Variants in ALDH16A1 observed in about 807,000 individuals in gnomAD.
ALDH16A1 encodes the protein aldehyde dehydrogenase 16 family member A1, also known as aldehyde dehydrogenase family 16 member A1.
ALDH16A1 carries 88 observed loss-of-function variants against 96.1 expected under a neutral mutation model. The ratio of observed to expected loss-of-function variants is 0.92; its 90% CI spans 0.77 to 1.09. ALDH16A1 has a LOEUF of 1.09. ALDH16A1 is among the 50% of genes least tolerant of loss of function. ALDH16A1 has a pLI of 0.00. For missense variants in ALDH16A1, 1,250 were observed against 1,112.6 expected (o/e 1.12, Z -1.76); for synonymous variants, 522 against 496.4 (o/e 1.05, Z -0.69).
At chr19:49,460,681 T>TGA in intron 4 of ALDH16A1, 141 bp from the exon 5 acceptor site, 1 of 697,786 alleles carries the variant, frequency 1.4e-6, no homozygotes, top group Non-Finnish European at 2.4e-6. Flanking sequence ...CCCAAAGTGC[T>TGA]GAGATTACAG....
chr19:49,468,864 G>T lies in ALDH16A1; in HGVS notation c.2125G>T (p.Asp709Tyr). The change falls in exon 16 of 17, where the codon GAC (aspartate) becomes TAC (tyrosine). Residue 709 changes from aspartate to tyrosine, a missense_variant and splice_region_variant. Physicochemically the swap from Asp to Tyr is radical, Grantham distance 160 (BLOSUM62 -3). Coordinates refer to ENST00000293350, the MANE Select transcript of ALDH16A1 (RefSeq NM_153329.4). This position sits in a 1 kb window ranked among gnomAD's most constrained non-coding sequence, Gnocchi z 4.4. ...ACCTTTCACTCTCTCTATCCCCTAG[G>T]ACATGGCCACCGTGTTCCCAGCAGG... is the stretch of plus-strand genomic sequence containing the variant. ...CPLLALEVCQDMATVFPAGLA... is the reference protein window; with the variant it reads ...CPLLALEVCQYMATVFPAGLA... The T allele has an allele frequency of 1.9e-6, 3 of 1,613,260 alleles. No homozygotes were observed. The highest frequency in any genetic ancestry group is 4.5e-5 in the East Asian group (2 of 44,864).
intron 1 of ALDH16A1, among the ~76,000 whole-genome samples, 194 bp from the exon 2 acceptor site, chr19:49,458,292 C>T (rs889339644): frequency 6.6e-6 from 1 of 152,088 alleles, no homozygotes; most frequent in African/African-American, 2.4e-5. Flanking sequence ...GCACAGAATG[C>T]CACTAAACTG....
rs1172929761 is a variant in ALDH16A1 at position 49,463,921 on chromosome 19, C to G, written c.1166C>G (p.Pro389Arg). ...FYPPTLVSNL[P>R]PASPCAQVEV... ...CCCCCAACCTTGGTCTCCAACCTGC[C>G]CCCAGCCTCCCCATGTGCCCAGGTG... Residue 389 changes from proline (P) to arginine (R), a missense_variant, in exon 9 of 17, where the codon CCC becomes CGC. Coordinates refer to ENST00000293350, the MANE Select transcript of ALDH16A1 (RefSeq NM_153329.4). The G allele has an allele frequency of 4.3e-6, 7 of 1,612,100 alleles. No individual in the cohort carries two copies. The highest frequency in any genetic ancestry group is 5.9e-6 in the Non-Finnish European group (7 of 1,178,988).
intron 10 of ALDH16A1, 46 bp downstream of exon 10, chr19:49,464,309 A>G (rs1271222911): frequency 6.9e-6 from 11 of 1,592,654 alleles, no homozygotes; most frequent in Non-Finnish European, 9.4e-6. Context: ...TCATTCTTCC[A>G]TCTTCATCTC....
At chr19:49,457,717 C>T (rs2079113532) in intron 1 of ALDH16A1, among the ~76,000 whole-genome samples, 2 of 151,696 alleles carry the variant, frequency 1.3e-5, no homozygotes, top group Non-Finnish European at 2.9e-5. Flanking sequence ...TCAAGTGATC[C>T]TCCCACCTCA....
At chr19:49,462,935 G>C in intron 8 of ALDH16A1, among the ~76,000 whole-genome samples, 180 bp downstream of exon 8, 1 of 135,042 alleles carries the variant, frequency 7.4e-6, no homozygotes, top group Non-Finnish European at 1.6e-5. Flanking sequence ...TGGGTCTGAG[G>C]GAGGAGGTGC....
intron 9 of ALDH16A1, 40 bp from the exon 10 acceptor site, chr19:49,464,087 T>C (rs1601034117): frequency 1.3e-6 from 2 of 1,593,756 alleles, no homozygotes; most frequent in East Asian, 2.2e-5. Flanking sequence ...CCCTGGTGGG[T>C]GGGCCCTGGA....
intron 1 of ALDH16A1, 29 bp from the exon 2 acceptor site, chr19:49,458,457 C>A: frequency 6.5e-7 from 1 of 1,545,340 alleles, no homozygotes; most frequent in Non-Finnish European, 8.8e-7. Flanking sequence ...CTCCCGAACC[C>A]CTTTCCAAAC....
rs867326060 is a variant in ALDH16A1, at chr19:49,458,483, C to T, written c.91-3C>T. ...CTTTCCAAACTGTCTCTACCTCCCC[C>T]AGGCCTGGCTGGACACCCAGGACCG... On this transcript the variant is annotated splice_polypyrimidine_tract_variant and splice_region_variant and intron_variant, in intron 1 of 16. Transcript: ENST00000293350. 6.4e-7 allele frequency: 1 copy of T among 1,557,358 alleles called. No individual in the cohort carries two copies. Among genetic ancestry groups the T allele is most frequent in the Non-Finnish European group, 8.7e-7 (1 of 1,149,358 alleles).
At chr19:49,457,306 G>C (rs2079110242) in intron 1 of ALDH16A1, among the ~76,000 whole-genome samples, 2 of 151,990 alleles carry the variant, frequency 1.3e-5, no homozygotes, top group African/African-American at 4.8e-5. Flanking sequence ...TCAGCACTTT[G>C]GGAGGCCGAG....
At position 49,470,652 on chromosome 19, in the gene ALDH16A1, T is replaced by TTTTC. The variant is rs1555801037; in HGVS notation, c.*188_*189insCTTT. 1.2e-5 allele frequency: 6 copies of TTTTC among 509,248 alleles called. No homozygotes were observed. The African/African-American group carries it at 1.2e-4, about 11-fold the overall frequency. 31.5% of individuals were successfully genotyped at this position (509,248 alleles called of 1,614,324 possible). Reference sequence around the variant, plus strand: ...TGGCAGATATGAGGCTTTTTTCTTTTTTTTTTTTTTTTTTGAGACAACGTC... The same window carrying TTTTC: ...TGGCAGATATGAGGCTTTTTTCTTTTTTTCTTTTTTTTTTTTTTGAGACAACGTC... On this transcript the variant is annotated 3_prime_UTR_variant, in exon 17 of 17. Transcript: ENST00000293350.
intron 10 of ALDH16A1, 67 bp downstream of exon 10, chr19:49,464,330 G>C (rs1167700143): frequency 8.2e-6 from 13 of 1,583,160 alleles, no homozygotes; most frequent in Admixed American, 7.0e-5. Flanking sequence ...CCTTCTCCCT[G>C]GGTCGCTCCC....
chr19:49,462,530 G>A, intron 7 of ALDH16A1, 40 bp from the exon 8 acceptor site: 1 of 1,594,492 alleles, frequency 6.3e-7, no homozygotes, highest in Non-Finnish European at 8.5e-7. Flanking sequence ...ACTTGCTAGA[G>A]TGCAATGGTG....
intron 16 of ALDH16A1, 105 bp from the exon 17 acceptor site, chr19:49,470,201 G>A: frequency 1.4e-6 from 2 of 1,396,290 alleles, no homozygotes; most frequent in East Asian, 2.3e-5. Flanking sequence ...CAGAGCCTGG[G>A]TCCAGCCTGA....
chr19:49,458,079 T>C (rs2079115490), intron 1 of ALDH16A1, among the ~76,000 whole-genome samples: 1 of 151,742 alleles, frequency 6.6e-6, no homozygotes, highest in African/African-American at 2.4e-5. Flanking sequence ...ACTAGCCGCA[T>C]GTGGTGGCGG....
chr19:49,464,015 G>T lies in ALDH16A1; in HGVS notation c.1194+66G>T, dbSNP rs113529719. On this transcript the variant is annotated intron_variant, in intron 9 of 16. Coordinates refer to ENST00000293350, the MANE Select transcript of ALDH16A1 (RefSeq NM_153329.4). ...CCAAGGGCAGCAGCTCTGTGCCTGGGGAAGCCCTTGGGGTAACCATGTGAC... is the reference window on the plus strand; with the variant it reads ...CCAAGGGCAGCAGCTCTGTGCCTGGTGAAGCCCTTGGGGTAACCATGTGAC... 1.3e-5 allele frequency: 21 copies of T among 1,578,492 alleles called. No homozygotes were observed. In the African/African-American group the frequency reaches 1.6e-4, roughly 12 times the overall value.
At position 49,459,592 on chromosome 19, in the gene ALDH16A1, C is replaced by G; in HGVS notation, c.321-78C>G. ...TCAGGGGCTCATGGGGATTGTAGTCCAGGTATATAGGAGCAGCCCAGGACT... is the reference window on the plus strand; with the variant it reads ...TCAGGGGCTCATGGGGATTGTAGTCGAGGTATATAGGAGCAGCCCAGGACT... On this transcript the variant is annotated intron_variant, in intron 3 of 16. Transcript: ENST00000293350. This position sits in a 1 kb window ranked among gnomAD's most constrained non-coding sequence, Gnocchi z 4.1. The G allele has an allele frequency of 6.8e-7, 1 of 1,478,100 alleles. No individual in the cohort carries two copies. Among genetic ancestry groups the G allele is most frequent in the Non-Finnish European group, 9.0e-7 (1 of 1,110,568 alleles). 91.6% of individuals were successfully genotyped at this position (1,478,100 alleles called of 1,614,324 possible).
chr19:49,453,318 G>A lies in ALDH16A1; in HGVS notation c.-14G>A. The A allele has an allele frequency of 6.4e-7, 1 of 1,551,478 alleles. No homozygotes were observed. Among genetic ancestry groups the A allele is most frequent in the Non-Finnish European group, 8.7e-7 (1 of 1,150,048 alleles). Reference sequence around the variant, plus strand: ...GCGCCCCGCAGTCTTCGCGGAAAGCGTTCGGGGTAGGCGATGGCTGCGACG... The same window carrying A: ...GCGCCCCGCAGTCTTCGCGGAAAGCATTCGGGGTAGGCGATGGCTGCGACG... On this transcript the variant is annotated 5_prime_UTR_variant, in exon 1 of 17. Coordinates refer to ENST00000293350, the MANE Select transcript of ALDH16A1 (RefSeq NM_153329.4).
intron 16 of ALDH16A1, chr19:49,470,100 T>C (rs1339322064): frequency 3.3e-6 from 2 of 598,748 alleles, no homozygotes; most frequent in African/African-American, 1.9e-5. Context: ...ACATGGGCTG[T>C]TAAGGGAGAG....
Sources: gnomAD v4.1 joint callset for allele counts (sites outside exome capture counted in the v4.1 genomes callset) on GRCh38, gnomAD v4.1.1 for gene constraint, Gnocchi (gnomAD v3.1) non-coding constraint, MANE v1.5 for transcripts, NCBI Gene and HGNC (gene_info 2026-07-23, HGNC 2026-07-21) for gene names.